Variants in RNF11 observed in about 807,000 individuals in gnomAD.
The protein encoded by RNF11 is ring finger protein 11.
A neutral mutation model predicts 15.8 loss-of-function variants in RNF11; 4 were observed. The ratio of observed to expected loss-of-function variants is 0.25; its 90% CI spans 0.12 to 0.58. The LOEUF (loss-of-function observed/expected upper bound fraction) is 0.58. RNF11 is among the 20% of genes least tolerant of loss of function. The pLI, the probability that RNF11 is intolerant of heterozygous loss-of-function variation, is 0.91. For missense variants in RNF11, 139 were observed against 194.4 expected, an observed-to-expected ratio of 0.71 and a Z score of 1.70; for synonymous variants, 68 against 72.3, an observed-to-expected ratio of 0.94 and a Z score of 0.30.
intron 1 of RNF11, among the ~76,000 whole-genome samples, chr1:51,263,265 C>T (rs1161048487): frequency 6.6e-6 from 1 of 152,188 alleles, no homozygotes; most frequent in Non-Finnish European, 1.5e-5. Flanking sequence ...AGAAACAACC[C>T]ATGTCCATCA....
At chr1:51,257,853 C>CTTTTTTTT (rs1245365473) in intron 1 of RNF11, among the ~76,000 whole-genome samples, 16 of 91,242 alleles carry the variant, frequency 1.8e-4, no homozygotes, top group African/African-American at 7.3e-4. Flanking sequence ...CTTTTCTTTT[C>CTTTTTTTT]TTTTTTTTTT....
chr1:51,239,449 G>T (rs1448214232), intron 1 of RNF11, among the ~76,000 whole-genome samples: 1 of 152,034 alleles, frequency 6.6e-6, no homozygotes, highest in East Asian at 1.9e-4. Flanking sequence ...TTAAAACATG[G>T]GAGCATAAAA....
At chr1:51,245,402 C>T (rs531894321) in intron 1 of RNF11, among the ~76,000 whole-genome samples, 1 of 152,242 alleles carries the variant, frequency 6.6e-6, no homozygotes, top group East Asian at 1.9e-4. Flanking sequence ...GTCCACCCAC[C>T]TCGGCCTCCC....
Position 51,236,846 on chromosome 1 carries a change from G to T in RNF11, c.90G>T (p.Thr30=). ...QSDRASFGEG[T]EPDQEPPPPY... ...ACCGGGCTAGCTTTGGCGAGGGGAC[G>T]GAGCCGGATCAGGAGCCGCCGCCGC... The change falls in exon 1 of 3, where the codon ACG becomes ACT. Residue 30 remains threonine (T), a synonymous_variant. Transcript: ENST00000242719. 6.2e-7 allele frequency: 1 copy of T among 1,611,420 alleles called. No homozygotes were observed. Among genetic ancestry groups the T allele is most frequent in the Non-Finnish European group, 8.5e-7 (1 of 1,178,892 alleles).
chr1:51,259,722 C>T (rs1646921658), intron 1 of RNF11, among the ~76,000 whole-genome samples: 1 of 152,136 alleles, frequency 6.6e-6, no homozygotes, highest in Admixed American at 6.5e-5. Flanking sequence ...GAAACCTTTT[C>T]CTGTTCTTTT....
Position 51,251,010 on chromosome 1 carries a change from AGGATGATGGCCCCAT to A in RNF11, c.123+14137_123+14151del, listed in dbSNP as rs1465866826. 99 of 1,444,784 alleles carry A rather than the reference AGGATGATGGCCCCAT, an allele frequency of 6.9e-5. 1 individual carries two copies. In the East Asian group the frequency reaches 2.2e-3, roughly 33 times the overall value. The allele number at this position is 1,444,784 out of a possible 1,614,324, so 89.5% of individuals were successfully genotyped here. On this transcript the variant is annotated intron_variant, in intron 1 of 2. Coordinates refer to ENST00000242719, the MANE Select transcript of RNF11 (RefSeq NM_014372.5). Reference sequence around the variant, plus strand: ...CACGGGGACAATGGAGAGCTTGGCCAGGATGATGGCCCCATGGATGGCGGTGGCCACCTCCTTGGA... The same window carrying A: ...CACGGGGACAATGGAGAGCTTGGCCAGGATGGCGGTGGCCACCTCCTTGGA...
intron 1 of RNF11, among the ~76,000 whole-genome samples, chr1:51,263,413 A>G (rs1396086231): frequency 6.6e-6 from 1 of 152,216 alleles, no homozygotes; most frequent in Non-Finnish European, 1.5e-5. Context: ...GTATGATTCC[A>G]TACACAGGCA....
intron 1 of RNF11, among the ~76,000 whole-genome samples, chr1:51,268,725 G>A (rs973935117): frequency 9.2e-5 from 14 of 152,202 alleles, no homozygotes; most frequent in African/African-American, 2.9e-4. Context: ...CTAGGACTGA[G>A]GCTAAGATTC....
chr1:51,251,821 G>C (rs1020809390), intron 1 of RNF11, among the ~76,000 whole-genome samples: 1 of 152,120 alleles, frequency 6.6e-6, no homozygotes, highest in Admixed American at 6.6e-5. Context: ...GCTCACGCCT[G>C]TAATCTCAGC....
intron 1 of RNF11, among the ~76,000 whole-genome samples, chr1:51,257,853 C>CTTTTTTTTTTTTTTTTCTTTT (rs1646912278): frequency 1.1e-5 from 1 of 91,268 alleles, no homozygotes; most frequent in African/African-American, 4.8e-5. Context: ...CTTTTCTTTT[C>CTTTTTTTTTTTTTTTTCTTTT]TTTTTTTTTT....
chr1:51,244,763 T>C (rs115832543), intron 1 of RNF11, among the ~76,000 whole-genome samples: 3,200 of 152,310 alleles, frequency 0.021, 98 homozygotes, highest in African/African-American at 0.072. Context: ...TGTGACCCCA[T>C]TGTTGCAGGA....
intron 1 of RNF11, chr1:51,251,457 T>G (rs1293054319): frequency 5.9e-6 from 4 of 680,560 alleles, no homozygotes; most frequent in Non-Finnish European, 9.9e-6. Flanking sequence ...CCCGCTGCAC[T>G]GGTGTCATCC....
intron 1 of RNF11, among the ~76,000 whole-genome samples, chr1:51,267,732 T>C (rs1646961336): frequency 6.6e-6 from 1 of 152,218 alleles, no homozygotes; most frequent in Admixed American, 6.5e-5. Flanking sequence ...CCCAAATCCA[T>C]ATCTTTTTTT....
In RNF11 at chr1:51,264,313, TATATAC is replaced by T. The variant is rs1358455700; in HGVS notation, c.124-5641_124-5636del. ...ATATATATATATATATATATATATA[TATATAC>T]ACACACACACACACACACACATTTA... On this transcript the variant is annotated intron_variant, in intron 1 of 2. Coordinates refer to ENST00000242719, the MANE Select transcript of RNF11 (RefSeq NM_014372.5). Among the ~76,000 whole-genome samples, 33 of 101,754 alleles carry T rather than the reference TATATAC, an allele frequency of 3.2e-4. No homozygotes were observed. The East Asian group carries it at 5.8e-3, about 18-fold the overall frequency. The allele number at this position is 101,754 out of a possible 152,430, so 66.8% of individuals were successfully genotyped here. A position where few individuals can be genotyped will look rare whatever the true frequency, so the allele number is the denominator to read the frequency against.
At chr1:51,239,994 T>C (rs560917772) in intron 1 of RNF11, among the ~76,000 whole-genome samples, 1 of 152,236 alleles carries the variant, frequency 6.6e-6, no homozygotes, top group Non-Finnish European at 1.5e-5. Context: ...TTTCTTTCCA[T>C]GGTTTCTTTT....
intron 1 of RNF11, among the ~76,000 whole-genome samples, chr1:51,247,787 GTAA>G (rs1646859123): frequency 6.6e-6 from 1 of 152,158 alleles, no homozygotes; most frequent in Non-Finnish European, 1.5e-5. Flanking sequence ...GGCCAAATGA[GTAA>G]TTATCTTGTT....
chr1:51,240,887 G>C (rs1250179658), intron 1 of RNF11, among the ~76,000 whole-genome samples: 1 of 152,142 alleles, frequency 6.6e-6, no homozygotes, highest in African/African-American at 2.4e-5. Flanking sequence ...GAGTGCAGTG[G>C]TGTCATCTTG....
chr1:51,255,564 A>G (rs1382477178), intron 1 of RNF11, among the ~76,000 whole-genome samples: 1 of 152,102 alleles, frequency 6.6e-6, no homozygotes, highest in Non-Finnish European at 1.5e-5. Flanking sequence ...GCTGTGTTTC[A>G]CTTTCTTGCT....
chr1:51,251,871 G>A (rs1345026890), intron 1 of RNF11, among the ~76,000 whole-genome samples: 1 of 152,102 alleles, frequency 6.6e-6, no homozygotes, highest in African/African-American at 2.4e-5. Context: ...TTGAGGTCAG[G>A]AGTTTGCGAC....
Sources: gnomAD v4.1 joint callset for allele counts (sites outside exome capture counted in the v4.1 genomes callset) on GRCh38, gnomAD v4.1.1 for gene constraint, MANE v1.5 for transcripts, NCBI Gene and HGNC (gene_info 2026-07-23, HGNC 2026-07-21) for gene names.